Variants in COPS3 observed in about 807,000 individuals in gnomAD.
COPS3 encodes the protein COP9 signalosome subunit 3, also known as COP9 signalosome complex subunit 3.
Under a neutral mutation model 58.2 loss-of-function variants are expected in COPS3, and 10 were observed. The observed-to-expected ratio is 0.17, with a 90% CI of 0.11 to 0.29. COPS3 has a LOEUF of 0.29. Among genes scored for constraint, COPS3 ranks in the 10% least tolerant of loss-of-function variants. COPS3 has a pLI of 1.00. For synonymous variants in COPS3, 187 were observed against 181.7 expected (o/e 1.03, Z -0.24); for missense variants, 333 against 510.1 (o/e 0.65, Z 3.34).
intron 5 of COPS3, 53 bp downstream of exon 5, chr17:17,267,832 A>G: frequency 6.3e-7 from 1 of 1,577,784 alleles, no homozygotes; most frequent in Non-Finnish European, 8.7e-7. Flanking sequence ...GAGCAAGCCC[A>G]TAAACAACCT....
chr17:17,277,245 T>C (rs1176249086), intron 1 of COPS3, among the ~76,000 whole-genome samples: 1 of 152,174 alleles, frequency 6.6e-6, no homozygotes, highest in African/African-American at 2.4e-5. Flanking sequence ...GTATCTGCCC[T>C]CTCTGCCTCG....
At chr17:17,267,199 G>A (rs966991154) in intron 5 of COPS3, among the ~76,000 whole-genome samples, 1 of 151,672 alleles carries the variant, frequency 6.6e-6, no homozygotes, top group African/African-American at 2.4e-5. Flanking sequence ...TTAGCCAGGC[G>A]TGATAGCGGG....
chr17:17,276,444 C>CGT (rs2145261312), intron 1 of COPS3, among the ~76,000 whole-genome samples: 1 of 151,776 alleles, frequency 6.6e-6, no homozygotes, highest in Admixed American at 6.6e-5. Context: ...CAGAAATGCA[C>CGT]GTTACTATTA....
chr17:17,266,501 T>C (rs1259887857), intron 5 of COPS3, among the ~76,000 whole-genome samples: 1 of 151,974 alleles, frequency 6.6e-6, no homozygotes, highest in African/African-American at 2.4e-5. Flanking sequence ...CATCGCAAAA[T>C]AAGATAAATA....
At chr17:17,266,374 G>A (rs75016335) in intron 5 of COPS3, among the ~76,000 whole-genome samples, 1 of 152,146 alleles carries the variant, frequency 6.6e-6, no homozygotes, top group African/African-American at 2.4e-5. Flanking sequence ...GTTTTTGGAA[G>A]GATACACGAG....
chr17:17,252,563 G>T (rs2047874310), intron 9 of COPS3, among the ~76,000 whole-genome samples: 1 of 152,218 alleles, frequency 6.6e-6, no homozygotes, highest in Non-Finnish European at 1.5e-5. Context: ...TCCAGACGTT[G>T]CCTAATGTCT....
At chr17:17,263,668 C>A (rs1469357141) in intron 6 of COPS3, among the ~76,000 whole-genome samples, 1 of 151,864 alleles carries the variant, frequency 6.6e-6, no homozygotes, top group Non-Finnish European at 1.5e-5. Flanking sequence ...CATGCACCAC[C>A]ATGCCCAGCT....
intron 1 of COPS3, 63 bp downstream of exon 1, chr17:17,281,069 C>A: frequency 6.5e-7 from 1 of 1,546,274 alleles, no homozygotes; most frequent in Non-Finnish European, 8.8e-7. Context: ...CGTGCTGGCG[C>A]CTGGGGATCC....
chr17:17,258,360 G>A (rs1246222943), intron 8 of COPS3, among the ~76,000 whole-genome samples: 1 of 152,190 alleles, frequency 6.6e-6, no homozygotes, highest in Non-Finnish European at 1.5e-5. Context: ...GTGCAGTGGT[G>A]CAATCTCGGC....
At chr17:17,271,379 T>C (rs1466575287) in intron 2 of COPS3, among the ~76,000 whole-genome samples, 2 of 152,010 alleles carry the variant, frequency 1.3e-5, no homozygotes, top group African/African-American at 4.8e-5. Context: ...CAGTGAGCTA[T>C]GATCATGCCA....
intron 2 of COPS3, among the ~76,000 whole-genome samples, chr17:17,273,747 G>A (rs1414636113): frequency 1.3e-5 from 2 of 152,212 alleles, no homozygotes. Context: ...GGCTACTCAG[G>A]AGGCTGAGGT....
chr17:17,270,963 T>A lies in COPS3; in HGVS notation c.231A>T (p.Leu77=). ...SMPSVPDFET[L]FSQVQLFIST... ...TGATGAAGAGCTGAACCTGTGAGAATAGCGTTTCGAAGTCAGGAACACTGG... is the reference window on the plus strand; with the variant it reads ...TGATGAAGAGCTGAACCTGTGAGAAAAGCGTTTCGAAGTCAGGAACACTGG... The change falls in exon 3 of 12, where the codon CTA becomes CTT. Residue 77 remains leucine, a synonymous_variant. Transcript: ENST00000268717. 6.2e-7 allele frequency: 1 copy of A among 1,614,026 alleles called. No individual in the cohort carries two copies. Among genetic ancestry groups the A allele is most frequent in the Non-Finnish European group, 8.5e-7 (1 of 1,179,996 alleles).
rs575287452 is a variant in COPS3 at position 17,277,803 on chromosome 17, C to G, written c.56-1639G>C. Among the ~76,000 whole-genome samples, 11 of 152,236 alleles carry G rather than the reference C, an allele frequency of 7.2e-5. No homozygotes were observed. In the South Asian group the frequency reaches 2.3e-3, roughly 32 times the overall value. Reference sequence around the variant, plus strand: ...GGGTGCTGTGGCTCACACCTGTAATCCCAGCACTTTGGGAGGATAAGGTGG... The same window carrying G: ...GGGTGCTGTGGCTCACACCTGTAATGCCAGCACTTTGGGAGGATAAGGTGG... On this transcript the variant is annotated intron_variant, in intron 1 of 11. Coordinates refer to ENST00000268717, the MANE Select transcript of COPS3 (RefSeq NM_003653.4).
intron 2 of COPS3, among the ~76,000 whole-genome samples, chr17:17,271,289 C>T (rs2048335039): frequency 2.6e-5 from 4 of 151,780 alleles, no homozygotes; most frequent in East Asian, 1.9e-4. Flanking sequence ...ATTAGCCAGG[C>T]GTGGGGGTAC....
chr17:17,254,814 GAAAAA>G (rs71152853), intron 9 of COPS3, 40 bp downstream of exon 9: 41 of 822,698 alleles, frequency 5.0e-5, no homozygotes, highest in East Asian at 2.5e-4. Context: ...ATCTCAAAAA[GAAAAA>G]AAAAAAAAAA....
At chr17:17,257,418 A>C in intron 8 of COPS3, among the ~76,000 whole-genome samples, 1 of 151,930 alleles carries the variant, frequency 6.6e-6, no homozygotes, top group Non-Finnish European at 1.5e-5. Context: ...GGTCAAGAAT[A>C]GCACGTAGAG....
chr17:17,265,125 C>T (rs2048192038), intron 5 of COPS3, 144 bp from the exon 6 acceptor site: 1 of 738,696 alleles, frequency 1.4e-6, no homozygotes, highest in Non-Finnish European at 2.2e-6. Flanking sequence ...TAAATGTCAA[C>T]ACATTTCATG....
At position 17,247,159 on chromosome 17, in the gene COPS3, G is replaced by A; in HGVS notation, c.1219-8C>T. On this transcript the variant is annotated splice_polypyrimidine_tract_variant and splice_region_variant and intron_variant, in intron 11 of 11. Transcript: ENST00000268717. ...TTCTTGTGAGCCCATACTCTGTAAA[G>A]GTAAAGTGAAGTTATGTATTTATGT... 1 of 1,613,274 alleles carries A rather than the reference G, an allele frequency of 6.2e-7. No homozygotes were observed.
chr17:17,255,207 G>T (rs1248286790), intron 8 of COPS3, among the ~76,000 whole-genome samples: 2 of 151,752 alleles, frequency 1.3e-5, no homozygotes, highest in African/African-American at 2.4e-5. Flanking sequence ...GGCTGAGACA[G>T]GAGAATCGCT....
Sources: gnomAD v4.1 joint callset for allele counts (sites outside exome capture counted in the v4.1 genomes callset) on GRCh38, gnomAD v4.1.1 for gene constraint, MANE v1.5 for transcripts, NCBI Gene and HGNC (gene_info 2026-07-23, HGNC 2026-07-21) for gene names.